The following ELL variants were observed in gnomAD, a reference collection of about 807,000 sequenced individuals.
The protein encoded by ELL is elongation factor for RNA polymerase II.
ELL carries 18 observed loss-of-function variants against 64.0 expected under a neutral mutation model. That is an observed-to-expected ratio of 0.28 (90% CI 0.19 to 0.42). ELL has a LOEUF of 0.42. ELL is among the 10% of genes least tolerant of loss of function. ELL has a pLI of 1.00. For synonymous variants in ELL, 399 were observed against 376.2 expected, an observed-to-expected ratio of 1.06 and a Z score of -0.70; for missense variants, 797 against 870.4, an observed-to-expected ratio of 0.92 and a Z score of 1.06.
At chr19:18,518,484 T>A (rs977798020) in intron 1 of ELL, among the ~76,000 whole-genome samples, 2 of 129,532 alleles carry the variant, frequency 1.5e-5, no homozygotes, top group South Asian at 5.0e-4. Context: ...AGCAAAACCC[T>A]GTCTCAAAAA....
rs76477358 is a variant in ELL, at chr19:18,494,863, C to T, written c.136-21981G>A. Among the ~76,000 whole-genome samples the T allele has an allele frequency of 3.2e-3, 487 of 152,340 alleles. 2 individuals carry two copies. The highest frequency in any genetic ancestry group is 6.0e-3 in the Non-Finnish European group (406 of 68,032). Reference sequence around the variant, plus strand: ...CGTACCTGAGCTGGAGCCTCACCTTCCTCCACTTCCCTAGCCGGGTGGCAT... The same window carrying T: ...CGTACCTGAGCTGGAGCCTCACCTTTCTCCACTTCCCTAGCCGGGTGGCAT... On this transcript the variant is annotated intron_variant, in intron 1 of 11. Coordinates refer to ENST00000262809, the MANE Select transcript of ELL (RefSeq NM_006532.4).
chr19:18,456,544 G>C (rs548853058), intron 6 of ELL, among the ~76,000 whole-genome samples: 2 of 152,328 alleles, frequency 1.3e-5, no homozygotes, highest in East Asian at 3.9e-4. Context: ...TCTGGCATGG[G>C]GCTCACAGGA....
chr19:18,485,706 G>C (rs1472313893), intron 1 of ELL, among the ~76,000 whole-genome samples: 1 of 151,928 alleles, frequency 6.6e-6, no homozygotes, highest in African/African-American at 2.4e-5. Context: ...TACGGGGATG[G>C]GCCGGGCGCG....
intron 1 of ELL, among the ~76,000 whole-genome samples, chr19:18,512,070 G>A (rs1279375661): frequency 1.3e-5 from 2 of 151,736 alleles, no homozygotes; most frequent in African/African-American, 4.8e-5. Flanking sequence ...CAGGGGAATC[G>A]CTTGAACCCA....
intron 1 of ELL, among the ~76,000 whole-genome samples, chr19:18,505,916 G>T (rs1600498651): frequency 6.6e-6 from 1 of 152,164 alleles, no homozygotes; most frequent in East Asian, 1.9e-4. Flanking sequence ...TGGCACCACT[G>T]TACAGTCAGG....
chr19:18,488,263 C>T (rs182875251), intron 1 of ELL, among the ~76,000 whole-genome samples: 6 of 152,306 alleles, frequency 3.9e-5, no homozygotes, highest in Admixed American at 1.3e-4. Context: ...GAAAGATGCC[C>T]GTCCTTCAGA....
intron 1 of ELL, among the ~76,000 whole-genome samples, chr19:18,509,586 C>CGCGCGT (rs1205942919): frequency 8.5e-6 from 1 of 118,296 alleles, no homozygotes; most frequent in African/African-American, 3.9e-5. Flanking sequence ...TGCACGTGCG[C>CGCGCGT]GCGCGCGCAC....
rs537480974 is a variant in ELL at position 18,457,470 on chromosome 19, G to A, written c.869+735C>T. Among the ~76,000 whole-genome samples, 41 of 152,340 alleles carry A rather than the reference G, an allele frequency of 2.7e-4. 1 individual carries two copies. The South Asian group carries it at 8.1e-3, about 30-fold the overall frequency. On this transcript the variant is annotated intron_variant, in intron 6 of 11. Transcript: ENST00000262809. ...AGGCAGGCACTACCCTCTCAGGGGA[G>A]CAGAGTGGACCCCCAACTTCATTCT... is the stretch of plus-strand genomic sequence containing the variant.
chr19:18,465,889 G>A lies in ELL; in HGVS notation c.213C>T (p.Pro71=), dbSNP rs367638746. ...AGAAGGAGAACGTCCGCGCCTCTGC[G>A]GGGCAGTCAGGCTGGGGGATGGAGA... ...GHISIPQPDC[P]AEARTFSFYL... Residue 71 remains proline (P), a synonymous_variant, in exon 3 of 12, where the codon CCC becomes CCT. Transcript: ENST00000262809. 17 of 1,329,368 alleles carry A rather than the reference G, an allele frequency of 1.3e-5. No homozygotes were observed. The highest frequency in any genetic ancestry group is 6.0e-5 in the African/African-American group (4 of 66,644). 82.3% of individuals were successfully genotyped at this position (1,329,368 alleles called of 1,614,324 possible). A position where few individuals can be genotyped will look rare whatever the true frequency, so the allele number is the denominator to read the frequency against.
Position 18,465,816 on chromosome 19 carries a change from T to G in ELL, c.286A>C (p.Ile96Leu). The change falls in exon 3 of 12, where the codon ATC (isoleucine) becomes CTC (leucine). Residue 96 changes from isoleucine to leucine, a missense_variant. Coordinates refer to ENST00000262809, the MANE Select transcript of ELL (RefSeq NM_006532.4). ...CCTCACCTGGAGACATACTGCTGGATGCAGTCGAAGCTGCCCTGGGGGTTG... is the reference window on the plus strand; with the variant it reads ...CCTCACCTGGAGACATACTGCTGGAGGCAGTCGAAGCTGCCCTGGGGGTTG... ...RDNPQGSFDCIQQYVSSHGEV... is the reference protein window; with the variant it reads ...RDNPQGSFDCLQQYVSSHGEV... 1 of 1,375,710 alleles carries G rather than the reference T, an allele frequency of 7.3e-7. No individual in the cohort carries two copies. The highest frequency in any genetic ancestry group is 1.5e-5 in the African/African-American group (1 of 67,352). The allele number at this position is 1,375,710 out of a possible 1,614,324, so 85.2% of individuals were successfully genotyped here.
At chr19:18,451,166 G>A (rs1974524955) in intron 7 of ELL, among the ~76,000 whole-genome samples, 191 bp from the exon 8 acceptor site, 1 of 152,232 alleles carries the variant, frequency 6.6e-6, no homozygotes, top group East Asian at 1.9e-4. Context: ...TCAGCCTGCT[G>A]GGATCGATGC....
Position 18,450,916 on chromosome 19 carries a change from C to A in ELL, c.1026G>T (p.Ser342=). Residue 342 remains serine, a synonymous_variant, in exon 8 of 12, where the codon TCG becomes TCT. Coordinates refer to ENST00000262809, the MANE Select transcript of ELL (RefSeq NM_006532.4). ...CAGGCTGAGCTCTCTGAGTGAAGTG[C>A]GATATCCGGGGTTTCTTGTTGGCTA... The part of the protein sequence containing the change: ...DPLANKKPRI[S]HFTQRAQPAV... 3 of 1,546,694 alleles carry A rather than the reference C, an allele frequency of 1.9e-6. No individual in the cohort carries two copies. Among genetic ancestry groups the A allele is most frequent in the Non-Finnish European group, 2.6e-6 (3 of 1,146,966 alleles).
At chr19:18,510,780 GC>G (rs1171347233) in intron 1 of ELL, among the ~76,000 whole-genome samples, 1 of 152,184 alleles carries the variant, frequency 6.6e-6, no homozygotes, top group South Asian at 2.1e-4. Flanking sequence ...AAATGCTGCA[GC>G]CGCTGTGGAA....
intron 6 of ELL, among the ~76,000 whole-genome samples, chr19:18,452,190 AC>A (rs1233521431): frequency 1.3e-5 from 2 of 150,808 alleles, no homozygotes. Context: ...GGAATCCCCC[AC>A]CCCCGCCAGC....
intron 1 of ELL, among the ~76,000 whole-genome samples, chr19:18,510,372 CA>C (rs1256537071): frequency 1.3e-5 from 2 of 152,132 alleles, no homozygotes; most frequent in Non-Finnish European, 2.9e-5. Flanking sequence ...GACTCGGTCT[CA>C]AAACAAAAAG....
At chr19:18,506,960 C>T (rs1223624127) in intron 1 of ELL, among the ~76,000 whole-genome samples, 2 of 152,156 alleles carry the variant, frequency 1.3e-5, no homozygotes, top group African/African-American at 2.4e-5. Context: ...AAGATGGAAG[C>T]GATTCCTACA....
Position 18,443,995 on chromosome 19 carries a change from C to A in ELL, c.*757G>T. On this transcript the variant is annotated 3_prime_UTR_variant, in exon 12 of 12. Coordinates refer to ENST00000262809, the MANE Select transcript of ELL (RefSeq NM_006532.4). ...CGAGTCTCAACTTGGAGCACAGAAA[C>A]ACAGTGGCCCCCGACAGCTGAGGGC... 8.6e-6 allele frequency: 2 copies of A among 232,468 alleles called. No homozygotes were observed. The highest frequency in any genetic ancestry group is 1.7e-5 in the Non-Finnish European group (2 of 117,546). 14.4% of individuals were successfully genotyped at this position (232,468 alleles called of 1,614,324 possible). A position where few individuals can be genotyped will look rare whatever the true frequency, so the allele number is the denominator to read the frequency against.
rs567124644 is a variant in ELL, at chr19:18,451,756, C to T, written c.870-108G>A. ...GGAGATGCCTCAAGGAAGGGACCCC[C>T]CTCCTCCCAAATCCAGAGCAGGGCC... is the stretch of plus-strand genomic sequence containing the variant. On this transcript the variant is annotated intron_variant, in intron 6 of 11. Transcript: ENST00000262809. The T allele has an allele frequency of 2.0e-4, 177 of 865,768 alleles. No individual in the cohort carries two copies. The East Asian group carries it at 5.5e-3, about 27-fold the overall frequency. 53.6% of individuals were successfully genotyped at this position (865,768 alleles called of 1,614,324 possible).
At chr19:18,507,818 C>T (rs1396452363) in intron 1 of ELL, among the ~76,000 whole-genome samples, 1 of 152,142 alleles carries the variant, frequency 6.6e-6, no homozygotes, top group African/African-American at 2.4e-5. Context: ...ATTCAGAGCC[C>T]AACTAGAATC....
Sources: gnomAD v4.1 joint callset for allele counts (sites outside exome capture counted in the v4.1 genomes callset) on GRCh38, gnomAD v4.1.1 for gene constraint, MANE v1.5 for transcripts, NCBI Gene and HGNC (gene_info 2026-07-23, HGNC 2026-07-21) for gene names.